PCDHA10: variants seen among roughly 807,000 people sequenced by gnomAD.
PCDHA10 encodes protocadherin alpha 10.
Under a neutral mutation model 61.2 loss-of-function variants are expected in PCDHA10, and 45 were observed. The observed-to-expected ratio is 0.74, with a 90% CI of 0.58 to 0.94. The LOEUF is 0.94. PCDHA10 is among the 40% of genes least tolerant of loss of function. The pLI, the probability that PCDHA10 is intolerant of heterozygous loss-of-function variation, is 0.00. For synonymous variants in PCDHA10, 602 were observed against 548.8 expected (o/e 1.10, Z -1.35); for missense variants, 1,278 against 1,236.2 (o/e 1.03, Z -0.51).
At chr5:140,911,202 A>C (rs1554194649) in intron 1 of PCDHA10, among the ~76,000 whole-genome samples, 1 of 152,184 alleles carries the variant, frequency 6.6e-6, no homozygotes. Flanking sequence ...ACATGTTGCC[A>C]CTACTGGGGA....
intron 1 of PCDHA10, chr5:140,861,648 T>C (rs1380826146): frequency 1.0e-5 from 3 of 287,022 alleles, no homozygotes; most frequent in African/African-American, 6.6e-5. Context: ...AAAGAATCTG[T>C]TTCTGAAACG....
At chr5:140,872,792 G>A (rs1474880199) in intron 1 of PCDHA10, among the ~76,000 whole-genome samples, 1 of 152,054 alleles carries the variant, frequency 6.6e-6, no homozygotes, top group Non-Finnish European at 1.5e-5. Context: ...ATGCTAGTTG[G>A]CATTCTTCCA....
intron 1 of PCDHA10, among the ~76,000 whole-genome samples, chr5:140,960,639 C>T (rs1184483884): frequency 5.9e-5 from 9 of 152,058 alleles, no homozygotes; most frequent in Admixed American, 5.9e-4. Flanking sequence ...ATTTTTAAAA[C>T]CCCTATCCAA....
chr5:141,010,446 C>G lies in PCDHA10; in HGVS notation c.*509C>G, dbSNP rs951181939. 39 of 944,590 alleles carry G rather than the reference C, an allele frequency of 4.1e-5. No homozygotes were observed. Among genetic ancestry groups the G allele is most frequent in the Non-Finnish European group, 5.6e-5 (37 of 656,282 alleles). The allele number at this position is 944,590 out of a possible 1,614,324, so 58.5% of individuals were successfully genotyped here. On this transcript the variant is annotated 3_prime_UTR_variant, in exon 4 of 4. Coordinates refer to ENST00000307360, the MANE Select transcript of PCDHA10 (RefSeq NM_018901.4). ...AGGCAAGAAAACAAAGACAAATAAA[C>G]AGCGGAAGTTATCAGTATGGAGGGG...
intron 1 of PCDHA10, among the ~76,000 whole-genome samples, chr5:140,964,670 G>A (rs2095847592): frequency 6.6e-6 from 1 of 151,912 alleles, no homozygotes; most frequent in Non-Finnish European, 1.5e-5. Context: ...CACAGGCCAG[G>A]TCCACAATTT....
intron 1 of PCDHA10, among the ~76,000 whole-genome samples, chr5:140,923,228 C>A (rs2338302): frequency 1.4e-5 from 1 of 71,808 alleles, no homozygotes; most frequent in South Asian, 4.8e-4. Context: ...TCGTTTGAGC[C>A]CAGAAGTTTG....
chr5:140,927,814 G>GCATA (rs1554205103), intron 1 of PCDHA10: 1 of 1,614,172 alleles, frequency 6.2e-7, no homozygotes, highest in Non-Finnish European at 8.5e-7. Context: ...GCTCTTGGAG[G>GCATA]CATACATTGA....
At chr5:140,923,888 G>A (rs575485843) in intron 1 of PCDHA10, among the ~76,000 whole-genome samples, 1 of 152,294 alleles carries the variant, frequency 6.6e-6, no homozygotes, top group Admixed American at 6.5e-5. Context: ...GTGTGAAAGA[G>A]GAGGAGTTTC....
At chr5:140,995,570 A>G (rs186345842) in intron 3 of PCDHA10, among the ~76,000 whole-genome samples, 1 of 152,210 alleles carries the variant, frequency 6.6e-6, no homozygotes, top group African/African-American at 2.4e-5. Flanking sequence ...ATATGTCAAG[A>G]TGAGCTATGA....
chr5:140,891,481 C>G (rs2063126797), intron 1 of PCDHA10, among the ~76,000 whole-genome samples: 1 of 151,620 alleles, frequency 6.6e-6, no homozygotes, highest in Admixed American at 6.6e-5. Context: ...CTTTACATCA[C>G]TTTGAGCATA....
chr5:140,949,161 C>T (rs2094347975), intron 1 of PCDHA10, among the ~76,000 whole-genome samples: 1 of 151,598 alleles, frequency 6.6e-6, no homozygotes, highest in Admixed American at 6.6e-5. Context: ...TAATCTAATT[C>T]TCTTTTGGTC....
chr5:140,944,984 T>A (rs972607288), intron 1 of PCDHA10, among the ~76,000 whole-genome samples: 6 of 152,184 alleles, frequency 3.9e-5, no homozygotes, highest in Non-Finnish European at 8.8e-5. Context: ...GTGGGTCTAC[T>A]TCTGTAACGG....
intron 2 of PCDHA10, 80 bp downstream of exon 2, chr5:140,979,087 A>C (rs1284249394): frequency 6.4e-7 from 1 of 1,561,170 alleles, no homozygotes; most frequent in Non-Finnish European, 8.7e-7. Flanking sequence ...CATAGGCCAG[A>C]AGCAGCTGTC....
chr5:140,994,954 T>C (rs2097657181), intron 3 of PCDHA10, among the ~76,000 whole-genome samples: 1 of 152,230 alleles, frequency 6.6e-6, no homozygotes, highest in Non-Finnish European at 1.5e-5. Flanking sequence ...AAATAATTTG[T>C]AGTTTCATTT....
chr5:140,956,809 T>C (rs868918745), intron 1 of PCDHA10, among the ~76,000 whole-genome samples: 2 of 152,198 alleles, frequency 1.3e-5, no homozygotes, highest in Non-Finnish European at 1.5e-5. Flanking sequence ...TATTTATTAT[T>C]GCTTCAATTT....
intron 1 of PCDHA10, chr5:140,968,411 G>C (rs895173088): frequency 1.9e-6 from 3 of 1,614,012 alleles, no homozygotes; most frequent in South Asian, 1.1e-5. Context: ...CTTTGTGACT[G>C]TGGAGGCTCA....
Position 140,953,715 on chromosome 5 carries a change from A to T in PCDHA10, c.2389-25234A>T, listed in dbSNP as rs535385036. Among the ~76,000 whole-genome samples the T allele has an allele frequency of 2.6e-5, 4 of 152,312 alleles. No homozygotes were observed. The South Asian group carries it at 6.2e-4, about 24-fold the overall frequency. On this transcript the variant is annotated intron_variant, in intron 1 of 3. Transcript: ENST00000307360. ...TGATCTACTAGACTGAGCTTCAGAC[A>T]TTGTGTTTTGAAATTTTTGCTTAAC...
At chr5:140,954,119 C>T (rs547590061) in intron 1 of PCDHA10, among the ~76,000 whole-genome samples, 2 of 152,156 alleles carry the variant, frequency 1.3e-5, no homozygotes, top group African/African-American at 4.8e-5. Flanking sequence ...AGATCTTGTT[C>T]CTTTTTATGG....
chr5:140,942,206 T>G (rs916002360), intron 1 of PCDHA10, among the ~76,000 whole-genome samples: 1 of 152,152 alleles, frequency 6.6e-6, no homozygotes, highest in African/African-American at 2.4e-5. Context: ...TTTTTGAGCA[T>G]AAGATATTTA....
Sources: gnomAD v4.1 joint callset for allele counts (sites outside exome capture counted in the v4.1 genomes callset) on GRCh38, gnomAD v4.1.1 for gene constraint, MANE v1.5 for transcripts, NCBI Gene and HGNC (gene_info 2026-07-23, HGNC 2026-07-21) for gene names.